Variants in GTF2H4 observed in about 807,000 individuals in gnomAD.
GTF2H4 encodes the protein general transcription factor IIH subunit 4.
Under a neutral mutation model 62.2 loss-of-function variants are expected in GTF2H4, and 49 were observed. That is an observed-to-expected ratio of 0.79 (90% CI 0.63 to 1.00). The LOEUF is 1.00. GTF2H4 is among the 50% of genes least tolerant of loss of function. The pLI is 0.00. For synonymous variants in GTF2H4, 189 were observed against 233.8 expected (o/e 0.81, Z 1.75); for missense variants, 479 against 587.8 (o/e 0.81, Z 1.91).
At chr6:30,908,512 T>C in intron 1 of GTF2H4, 109 bp downstream of exon 1, 1 of 176,744 alleles carries the variant, frequency 5.7e-6, no homozygotes, top group Non-Finnish European at 1.2e-5. Flanking sequence ...TCGGAAGGCG[T>C]GGGTCAGGGT....
Position 30,909,936 on chromosome 6 carries a change from C to G in GTF2H4, c.247C>G (p.Gln83Glu). 6.2e-7 allele frequency: 1 copy of G among 1,611,574 alleles called. No homozygotes were observed. The highest frequency in any genetic ancestry group is 1.3e-5 in the African/African-American group (1 of 74,914). ...LWVKKEFSKA[Q>E]EESTGLLSGL... is the part of the protein sequence containing the mutation. ...ACCTCTCTGCTTCTGTTCCAGGGCT[C>G]AGGAGGAAAGTACAGGGCTGCTGAG... is the stretch of plus-strand genomic sequence containing the variant. The change falls in exon 4 of 14, where the codon CAG becomes GAG. Residue 83 changes from glutamine to glutamate, a missense_variant. Coordinates refer to ENST00000259895, the MANE Select transcript of GTF2H4 (RefSeq NM_001517.5). The surrounding 1 kb of genome is among the most constrained non-coding windows in gnomAD (Gnocchi z 4.3).
chr6:30,910,852 G>T lies in GTF2H4; in HGVS notation c.472-1G>T. ...TCTCCCTGTTCTCTTCTGTTCTTCA[G>T]GTGGTCTTGCACTTCATGGTGGGCT... On this transcript the variant is annotated splice_acceptor_variant, in intron 5 of 13. Transcript: ENST00000259895. LOFTEE classifies it high-confidence loss of function. This position sits in a 1 kb window ranked among gnomAD's most constrained non-coding sequence, Gnocchi z 4.7. 6.2e-7 allele frequency: 1 copy of T among 1,612,238 alleles called. No individual in the cohort carries two copies. The highest frequency in any genetic ancestry group is 8.5e-7 in the Non-Finnish European group (1 of 1,179,604).
rs1352715436 is a variant in GTF2H4, at chr6:30,912,565, G to A, written c.1089+107G>A. 5.1e-6 allele frequency: 7 copies of A among 1,380,510 alleles called. No individual in the cohort carries two copies. The highest frequency in any genetic ancestry group is 7.0e-6 in the Non-Finnish European group (7 of 999,182). 85.5% of individuals were successfully genotyped at this position (1,380,510 alleles called of 1,614,324 possible). A position where few individuals can be genotyped will look rare whatever the true frequency, so the allele number is the denominator to read the frequency against. Reference sequence around the variant, plus strand: ...AGCTCTGAGTCTGTTATAATAGGTGGTGGTGAGTTGTCTGTGTTTGAAGAG... The same window carrying A: ...AGCTCTGAGTCTGTTATAATAGGTGATGGTGAGTTGTCTGTGTTTGAAGAG... On this transcript the variant is annotated intron_variant, in intron 11 of 13. Transcript: ENST00000259895. The surrounding 1 kb of genome is among the most constrained non-coding windows in gnomAD (Gnocchi z 4.8).
In GTF2H4 at chr6:30,913,006, A is replaced by T; in HGVS notation, c.1090-104A>T. On this transcript the variant is annotated intron_variant, in intron 11 of 13. Transcript: ENST00000259895. This position sits in a 1 kb window ranked among gnomAD's most constrained non-coding sequence, Gnocchi z 4.2. ...GGTGGAGTTGATGACAGGAGTTATG[A>T]GTTTTTAGAATAAGCTGATGTTCCA... 8.8e-7 allele frequency: 1 copy of T among 1,133,956 alleles called. No homozygotes were observed. The highest frequency in any genetic ancestry group is 1.3e-6 in the Non-Finnish European group (1 of 767,540). 70.2% of individuals were successfully genotyped at this position (1,133,956 alleles called of 1,614,324 possible).
In GTF2H4 at chr6:30,913,131, A is replaced by G. The variant is rs555786412; in HGVS notation, c.1111A>G (p.Arg371Gly). Residue 371 changes from arginine to glycine, a missense_variant, in exon 12 of 14, where the codon AGA (arginine) becomes GGA (glycine). Coordinates refer to ENST00000259895, the MANE Select transcript of GTF2H4 (RefSeq NM_001517.5). The surrounding 1 kb of genome is among the most constrained non-coding windows in gnomAD (Gnocchi z 4.2). Reference protein sequence around the residue: ...AQQIIHFLRTRAHPVMLKQTP... With the variant: ...AQQIIHFLRTGAHPVMLKQTP... ...CTAGATAATCCATTTCCTAAGGACA[A>G]GAGCCCACCCAGTGATGCTCAAACA... 6.2e-6 allele frequency: 10 copies of G among 1,614,198 alleles called. No individual in the cohort carries two copies. In the South Asian group the frequency reaches 9.9e-5, roughly 16 times the overall value.
At position 30,912,072 on chromosome 6, in the gene GTF2H4, CTG is replaced by C. The variant is rs1793785776; in HGVS notation, c.885_886del (p.Gly296SerfsTer37). ...GCCATCAATCTCTCATCAGGTGTCT[CTG>C]GAGCTGGGGGCACTGTGCATCAGCC... On this transcript the variant is annotated frameshift_variant, in exon 10 of 14. Transcript: ENST00000259895. LOFTEE classifies it high-confidence loss of function. The surrounding 1 kb of genome is among the most constrained non-coding windows in gnomAD (Gnocchi z 4.8). 3 of 1,612,956 alleles carry C rather than the reference CTG, an allele frequency of 1.9e-6. No individual in the cohort carries two copies. Among genetic ancestry groups the C allele is most frequent in the African/African-American group, 2.7e-5 (2 of 75,022 alleles).
At position 30,909,895 on chromosome 6, in the gene GTF2H4, TCCAAA is replaced by T. The variant is rs1488221796; in HGVS notation, c.243-36_243-32del. 1.9e-6 allele frequency: 3 copies of T among 1,581,262 alleles called. No individual in the cohort carries two copies. Among genetic ancestry groups the T allele is most frequent in the African/African-American group, 2.7e-5 (2 of 73,388 alleles). On this transcript the variant is annotated intron_variant, in intron 3 of 13. Transcript: ENST00000259895. This position sits in a 1 kb window ranked among gnomAD's most constrained non-coding sequence, Gnocchi z 4.3. ...GCTTTTATGGGCCTCCTTTTTGTTT[TCCAAA>T]TACCCTACTCACCTCTCTGCTTCTG...
Position 30,909,999 on chromosome 6 carries a change from G to A in GTF2H4, c.310G>A (p.Gly104Arg), listed in dbSNP as rs779400606. 3 of 1,612,964 alleles carry A rather than the reference G, an allele frequency of 1.9e-6. No individual in the cohort carries two copies. Among genetic ancestry groups the A allele is most frequent in the Non-Finnish European group, 2.5e-6 (3 of 1,179,988 alleles). The change falls in exon 4 of 14, where the codon GGG (glycine) becomes AGG (arginine). Residue 104 changes from glycine to arginine, a missense_variant. Coordinates refer to ENST00000259895, the MANE Select transcript of GTF2H4 (RefSeq NM_001517.5). This position sits in a 1 kb window ranked among gnomAD's most constrained non-coding sequence, Gnocchi z 4.3. Reference sequence around the variant, plus strand: ...CTGGCACACACAGCTGCTCCCAGGCGGGCTCCAGGGCCTCATCCTCAACCC... The same window carrying A: ...CTGGCACACACAGCTGCTCCCAGGCAGGCTCCAGGGCCTCATCCTCAACCC... The part of the protein sequence containing the change: ...RIWHTQLLPG[G>R]LQGLILNPIF...
Position 30,909,624 on chromosome 6 carries a change from G to T in GTF2H4, c.242+85G>T. 1 of 807,426 alleles carries T rather than the reference G, an allele frequency of 1.2e-6. No homozygotes were observed. The allele number at this position is 807,426 out of a possible 1,614,324, so 50.0% of individuals were successfully genotyped here. A position where few individuals can be genotyped will look rare whatever the true frequency, so the allele number is the denominator to read the frequency against. ...GGAGCACTTCCAGGAAGTGTTAATAGATATATCACAAAACTTAAAAATAAA... is the reference window on the plus strand; with the variant it reads ...GGAGCACTTCCAGGAAGTGTTAATATATATATCACAAAACTTAAAAATAAA... On this transcript the variant is annotated intron_variant, in intron 3 of 13. Coordinates refer to ENST00000259895, the MANE Select transcript of GTF2H4 (RefSeq NM_001517.5). The surrounding 1 kb of genome is among the most constrained non-coding windows in gnomAD (Gnocchi z 4.3).
Position 30,913,301 on chromosome 6 carries a change from C to T in GTF2H4, c.1138-8C>T, listed in dbSNP as rs1472933490. The T allele has an allele frequency of 1.9e-6, 3 of 1,613,786 alleles. No homozygotes were observed. The highest frequency in any genetic ancestry group is 2.2e-5 in the East Asian group (1 of 44,904). ...TGAGTCCCTACAGTCAACCCTTGCT[C>T]CTTGCAGACACCTGTGCTGCCCCCC... On this transcript the variant is annotated splice_polypyrimidine_tract_variant and splice_region_variant and intron_variant, in intron 12 of 13. Coordinates refer to ENST00000259895, the MANE Select transcript of GTF2H4 (RefSeq NM_001517.5). This position sits in a 1 kb window ranked among gnomAD's most constrained non-coding sequence, Gnocchi z 4.2.
At position 30,913,215 on chromosome 6, in the gene GTF2H4, G is replaced by GA; in HGVS notation, c.1137+63dup. On this transcript the variant is annotated intron_variant, in intron 12 of 13. Coordinates refer to ENST00000259895, the MANE Select transcript of GTF2H4 (RefSeq NM_001517.5). The surrounding 1 kb of genome is among the most constrained non-coding windows in gnomAD (Gnocchi z 4.2). ...CAGCTGGTGATGACATGATGGAAAA[G>GA]AAAAAGGGGCATCCAAATCTGGGGA... 1 of 1,612,128 alleles carries GA rather than the reference G, an allele frequency of 6.2e-7. No homozygotes were observed. Among genetic ancestry groups the GA allele is most frequent in the Non-Finnish European group, 8.5e-7 (1 of 1,179,000 alleles).
rs1793739339 is a variant in GTF2H4, at chr6:30,910,981, TC to T, written c.560+41del. 6.7e-7 allele frequency: 1 copy of T among 1,495,332 alleles called. No individual in the cohort carries two copies. The highest frequency in any genetic ancestry group is 1.9e-5 in the Admixed American group (1 of 53,480). The allele number at this position is 1,495,332 out of a possible 1,614,324, so 92.6% of individuals were successfully genotyped here. On this transcript the variant is annotated intron_variant, in intron 6 of 13. Transcript: ENST00000259895. The surrounding 1 kb of genome is among the most constrained non-coding windows in gnomAD (Gnocchi z 4.7). ...GGTACAGCAGCTCTCTGCTGTGCCA[TC>T]TCCTTGGGTCCCTAAGAAATGGTAT...
In GTF2H4 at chr6:30,910,225, T is replaced by C. The variant is rs1363135472; in HGVS notation, c.374+162T>C. Reference sequence around the variant, plus strand: ...AGTAAGTTGGACCAGATGTAGTGTGTGGTGTAGGAAATGTCCCCCACTCAT... The same window carrying C: ...AGTAAGTTGGACCAGATGTAGTGTGCGGTGTAGGAAATGTCCCCCACTCAT... On this transcript the variant is annotated intron_variant, in intron 4 of 13. Coordinates refer to ENST00000259895, the MANE Select transcript of GTF2H4 (RefSeq NM_001517.5). This position sits in a 1 kb window ranked among gnomAD's most constrained non-coding sequence, Gnocchi z 4.7. Among the ~76,000 whole-genome samples the C allele has an allele frequency of 1.1e-4, 16 of 152,184 alleles. No individual in the cohort carries two copies. Among genetic ancestry groups the C allele is most frequent in the Non-Finnish European group, 1.5e-4 (10 of 68,016 alleles).
At position 30,909,860 on chromosome 6, in the gene GTF2H4, A is replaced by C; in HGVS notation, c.243-72A>C. Reference sequence around the variant, plus strand: ...AAGGGTCAGCAAGTTCAGAACAGGCAGAGATGGTGGCTTTTATGGGCCTCC... The same window carrying C: ...AAGGGTCAGCAAGTTCAGAACAGGCCGAGATGGTGGCTTTTATGGGCCTCC... On this transcript the variant is annotated intron_variant, in intron 3 of 13. Coordinates refer to ENST00000259895, the MANE Select transcript of GTF2H4 (RefSeq NM_001517.5). The surrounding 1 kb of genome is among the most constrained non-coding windows in gnomAD (Gnocchi z 4.3). 3 of 1,458,210 alleles carry C rather than the reference A, an allele frequency of 2.1e-6. No individual in the cohort carries two copies. Among genetic ancestry groups the C allele is most frequent in the Non-Finnish European group, 2.8e-6 (3 of 1,067,328 alleles). 90.3% of individuals were successfully genotyped at this position (1,458,210 alleles called of 1,614,324 possible).
In GTF2H4 at chr6:30,911,339, C is replaced by G. The variant is rs991688938; in HGVS notation, c.672+70C>G. 5.5e-5 allele frequency: 84 copies of G among 1,520,382 alleles called. No individual in the cohort carries two copies. Among genetic ancestry groups the G allele is most frequent in the Non-Finnish European group, 7.3e-5 (80 of 1,096,668 alleles). 94.2% of individuals were successfully genotyped at this position (1,520,382 alleles called of 1,614,324 possible). On this transcript the variant is annotated intron_variant, in intron 7 of 13. Coordinates refer to ENST00000259895, the MANE Select transcript of GTF2H4 (RefSeq NM_001517.5). The surrounding 1 kb of genome is among the most constrained non-coding windows in gnomAD (Gnocchi z 4.3). ...GGTCTCACTGAGAGACTCCTGCCTACAGACTGTTCCCTGATTTTCTCTTCT... is the reference window on the plus strand; with the variant it reads ...GGTCTCACTGAGAGACTCCTGCCTAGAGACTGTTCCCTGATTTTCTCTTCT...
Position 30,911,681 on chromosome 6 carries a change from C to T in GTF2H4, c.742-3C>T. On this transcript the variant is annotated splice_region_variant and splice_polypyrimidine_tract_variant and intron_variant, in intron 8 of 13. Coordinates refer to ENST00000259895, the MANE Select transcript of GTF2H4 (RefSeq NM_001517.5). The surrounding 1 kb of genome is among the most constrained non-coding windows in gnomAD (Gnocchi z 4.3). ...ACCCCAGCTGGAAACCTCTGTTCCT[C>T]AGGATTACTCTGTGGAAGGTATGAG... The T allele has an allele frequency of 6.2e-7, 1 of 1,611,622 alleles. No individual in the cohort carries two copies. The highest frequency in any genetic ancestry group is 1.1e-5 in the South Asian group (1 of 91,060).
At position 30,914,021 on chromosome 6, in the gene GTF2H4, C is replaced by T; in HGVS notation, c.*38C>T. 4 of 801,890 alleles carry T rather than the reference C, an allele frequency of 5.0e-6. No homozygotes were observed. Among genetic ancestry groups the T allele is most frequent in the Non-Finnish European group, 8.2e-6 (4 of 488,662 alleles). 49.7% of individuals were successfully genotyped at this position (801,890 alleles called of 1,614,324 possible). A position where few individuals can be genotyped will look rare whatever the true frequency, so the allele number is the denominator to read the frequency against. On this transcript the variant is annotated 3_prime_UTR_variant, in exon 14 of 14. Coordinates refer to ENST00000259895, the MANE Select transcript of GTF2H4 (RefSeq NM_001517.5). The stretch of plus-strand genomic sequence containing the variant: ...TGGACACGGACCTCGGCGGGCGGGA[C>T]TGGGCGGGGCGGGGCATCAGAACTC...
In GTF2H4 at chr6:30,911,480, G is replaced by T; in HGVS notation, c.722G>T (p.Ser241Ile). ...ATTCTCTCCTTCCTCTTCCAGCTCA[G>T]CTTCTCTACTCTGGGCAAGGTAAGC... ...VEILSFLFQL[S>I]FSTLGKDYSV... The change falls in exon 8 of 14, where the codon AGC (serine) becomes ATC (isoleucine). Residue 241 changes from serine to isoleucine, a missense_variant. Physicochemically the swap from Ser to Ile is moderately radical, Grantham distance 142. Transcript: ENST00000259895. The surrounding 1 kb of genome is among the most constrained non-coding windows in gnomAD (Gnocchi z 4.3). The T allele has an allele frequency of 6.2e-7, 1 of 1,614,108 alleles. No homozygotes were observed. The highest frequency in any genetic ancestry group is 1.1e-5 in the South Asian group (1 of 91,088).
rs1793756671 is a variant in GTF2H4 at position 30,911,429 on chromosome 6, A to C, written c.673-2A>C. ...CCTTTGTCTCTGCCTCTTTCTCCCTAGAGCCGGGGCATGGACCTGGTAGAG... is the reference window on the plus strand; with the variant it reads ...CCTTTGTCTCTGCCTCTTTCTCCCTCGAGCCGGGGCATGGACCTGGTAGAG... On this transcript the variant is annotated splice_acceptor_variant, in intron 7 of 13. Transcript: ENST00000259895. LOFTEE classifies it high-confidence loss of function. The surrounding 1 kb of genome is among the most constrained non-coding windows in gnomAD (Gnocchi z 4.3). The C allele has an allele frequency of 6.2e-7, 1 of 1,613,120 alleles. No homozygotes were observed. Among genetic ancestry groups the C allele is most frequent in the East Asian group, 2.2e-5 (1 of 44,862 alleles).
Sources: gnomAD v4.1 joint callset for allele counts (sites outside exome capture counted in the v4.1 genomes callset) on GRCh38, gnomAD v4.1.1 for gene constraint, Gnocchi (gnomAD v3.1) non-coding constraint, MANE v1.5 for transcripts, NCBI Gene and HGNC (gene_info 2026-07-23, HGNC 2026-07-21) for gene names.